Variants in DHRS9 observed in about 807,000 individuals in gnomAD.
DHRS9 encodes dehydrogenase/reductase SDR family member 9.
In DHRS9, 18 loss-of-function variants were observed where a neutral mutation model predicts 26.6. The ratio of observed to expected loss-of-function variants is 0.68; its 90% CI spans 0.47 to 1.00. The LOEUF (loss-of-function observed/expected upper bound fraction) is 1.00, where lower values mean the gene tolerates loss of function less well. DHRS9 is among the 50% of genes least tolerant of loss of function. DHRS9 has a pLI of 0.00. For synonymous variants in DHRS9, 134 were observed against 141.1 expected (o/e 0.95, Z 0.36); for missense variants, 425 against 378.7 (o/e 1.12, Z -1.01).
At chr2:169,085,804 T>C (rs536859173) in intron 3 of DHRS9, among the ~76,000 whole-genome samples, 1 of 152,226 alleles carries the variant, frequency 6.6e-6, no homozygotes, top group Non-Finnish European at 1.5e-5. Context: ...TATAAGATCA[T>C]ATCATCTGCA....
At chr2:169,084,682 A>G (rs1227474547) in intron 3 of DHRS9, among the ~76,000 whole-genome samples, 1 of 152,088 alleles carries the variant, frequency 6.6e-6, no homozygotes, top group African/African-American at 2.4e-5. Flanking sequence ...AAATTGGATT[A>G]TTAGACTTTT....
At chr2:169,079,507 A>C (rs1246719052) in intron 1 of DHRS9, among the ~76,000 whole-genome samples, 1 of 152,134 alleles carries the variant, frequency 6.6e-6, no homozygotes, top group Non-Finnish European at 1.5e-5. Flanking sequence ...GCAGAAAAAA[A>C]TAAATGATTT....
At chr2:169,082,340 G>A (rs1439791536) in intron 2 of DHRS9, among the ~76,000 whole-genome samples, 1 of 152,176 alleles carries the variant, frequency 6.6e-6, no homozygotes, top group Non-Finnish European at 1.5e-5. Context: ...GTTGAAAATG[G>A]CCTGAGAATT....
rs545152427 is a variant in DHRS9 at position 169,093,354 on chromosome 2, A to G, written c.736+1401A>G. Among the ~76,000 whole-genome samples the G allele has an allele frequency of 5.9e-4, 90 of 151,318 alleles. No homozygotes were observed. In the South Asian group the frequency reaches 0.018, roughly 30 times the overall value. ...TAAACACACACACACGCACACACAC[A>G]CACATGCACACACACAGAGGTACAC... On this transcript the variant is annotated intron_variant, in intron 4 of 4. Coordinates refer to ENST00000674881, the MANE Select transcript of DHRS9 (RefSeq NM_001376924.1).
At chr2:169,092,655 T>C (rs912228069) in intron 4 of DHRS9, among the ~76,000 whole-genome samples, 2 of 152,000 alleles carry the variant, frequency 1.3e-5, no homozygotes, top group South Asian at 4.1e-4. Context: ...GGACAGGAAA[T>C]AATTACTTGG....
chr2:169,070,635 C>A (rs1683772874), intron 1 of DHRS9: 2 of 984,252 alleles, frequency 2.0e-6, no homozygotes, highest in Non-Finnish European at 2.4e-6. Context: ...AAAGAGGGTG[C>A]TCAGATTTTA....
chr2:169,095,405 T>C lies in DHRS9; in HGVS notation c.737-139T>C, dbSNP rs544106917. On this transcript the variant is annotated intron_variant, in intron 4 of 4. Coordinates refer to ENST00000674881, the MANE Select transcript of DHRS9 (RefSeq NM_001376924.1). ...ATATCATTTTCTGAGGAATAGATAGTAAATCCTCAAAATGAGCCTCAATTA... is the reference window on the plus strand; with the variant it reads ...ATATCATTTTCTGAGGAATAGATAGCAAATCCTCAAAATGAGCCTCAATTA... 47 of 725,246 alleles carry C rather than the reference T, an allele frequency of 6.5e-5. No individual in the cohort carries two copies. In the African/African-American group the frequency reaches 7.6e-4, roughly 12 times the overall value. The allele number at this position is 725,246 out of a possible 1,614,324, so 44.9% of individuals were successfully genotyped here. A position where few individuals can be genotyped will look rare whatever the true frequency, so the allele number is the denominator to read the frequency against.
chr2:169,068,842 T>A (rs1404495434), upstream of DHRS9, among the ~76,000 whole-genome samples: 3 of 152,138 alleles, frequency 2.0e-5, no homozygotes, highest in African/African-American at 7.2e-5. Context: ...GCTACAGTGG[T>A]GAAGGTGAAG....
rs1388516148 is a variant in DHRS9, at chr2:169,095,680, G to A, written c.873G>A (p.Trp291Ter). ...YAAGKDAKIF[W>*]IPLSHMPAAL... ...CTGGAAAAGATGCCAAAATTTTCTG[G>A]ATACCTCTGTCTCACATGCCAGCAG... Residue 291 changes from tryptophan to a stop codon, truncating the protein, a stop_gained, in exon 5 of 5, where the codon TGG becomes TGA. Transcript: ENST00000674881. LOFTEE classifies it high-confidence loss of function. 6.2e-7 allele frequency: 1 copy of A among 1,613,784 alleles called. No homozygotes were observed. Among genetic ancestry groups the A allele is most frequent in the African/African-American group, 1.3e-5 (1 of 74,866 alleles).
chr2:169,088,937 G>A (rs989846648), intron 3 of DHRS9, among the ~76,000 whole-genome samples: 1 of 152,192 alleles, frequency 6.6e-6, no homozygotes, highest in Non-Finnish European at 1.5e-5. Flanking sequence ...CAAGCATGCT[G>A]TCCAAGCTTT....
At chr2:169,083,199 G>T in intron 2 of DHRS9, 130 bp from the exon 3 acceptor site, 1 of 1,201,820 alleles carries the variant, frequency 8.3e-7, no homozygotes, top group South Asian at 1.5e-5. Flanking sequence ...AAACTGCGAA[G>T]TATTTCAGAG....
Position 169,083,580 on chromosome 2 carries a change from A to G in DHRS9, c.565A>G (p.Ser189Gly), listed in dbSNP as rs1456553161. ...SKYAVEGFNDSLRRDMKAFGV... is the reference protein window; with the variant it reads ...SKYAVEGFNDGLRRDMKAFGV... The stretch of plus-strand genomic sequence containing the variant: ...ATATGCAGTGGAAGGTTTCAATGAC[A>G]GCTTAAGGTAAATCAAATTAATCAA... The change falls in exon 3 of 5, where the codon AGC becomes GGC. Residue 189 changes from serine (S) to glycine (G), a missense_variant. Physicochemically the swap from Ser to Gly is moderately conservative, Grantham distance 56. Coordinates refer to ENST00000674881, the MANE Select transcript of DHRS9 (RefSeq NM_001376924.1). The G allele has an allele frequency of 1.9e-6, 3 of 1,613,100 alleles. No individual in the cohort carries two copies. Among genetic ancestry groups the G allele is most frequent in the Non-Finnish European group, 1.7e-6 (2 of 1,179,306 alleles).
In DHRS9 at chr2:169,092,519, T is replaced by C. The variant is rs140994299; in HGVS notation, c.736+566T>C. Among the ~76,000 whole-genome samples, 452 of 152,328 alleles carry C rather than the reference T, an allele frequency of 3.0e-3. 2 individuals carry two copies. The highest frequency in any genetic ancestry group is 0.01 in the African/African-American group (433 of 41,564). ...TAAAATTAATCCTTTACTTCTTAGG[T>C]GTAATCTAACAGCCCAGAAATGGTG... On this transcript the variant is annotated intron_variant, in intron 4 of 4. Transcript: ENST00000674881.
chr2:169,081,528 C>T lies in DHRS9; in HGVS notation c.-54C>T. The T allele has an allele frequency of 2.6e-6, 4 of 1,566,018 alleles. No individual in the cohort carries two copies. Among genetic ancestry groups the T allele is most frequent in the Non-Finnish European group, 3.4e-6 (4 of 1,160,388 alleles). On this transcript the variant is annotated 5_prime_UTR_variant, in exon 2 of 5. Transcript: ENST00000674881. ...TTTTCACTTTGAACACTCAGGACAC[C>T]ATCTTCTTGTATTATACAAGAAAGG... is the stretch of plus-strand genomic sequence containing the variant.
intron 4 of DHRS9, among the ~76,000 whole-genome samples, chr2:169,092,519 T>G (rs140994299): frequency 6.6e-6 from 1 of 152,212 alleles, no homozygotes; most frequent in East Asian, 1.9e-4. Context: ...ACTTCTTAGG[T>G]GTAATCTAAC....
chr2:169,079,508 T>C (rs1191057698), intron 1 of DHRS9, among the ~76,000 whole-genome samples: 1 of 152,018 alleles, frequency 6.6e-6, no homozygotes, highest in East Asian at 1.9e-4. Context: ...CAGAAAAAAA[T>C]AAATGATTTT....
At chr2:169,081,960 T>C in intron 2 of DHRS9, 66 bp downstream of exon 2, 1 of 1,457,952 alleles carries the variant, frequency 6.9e-7, no homozygotes, top group Non-Finnish European at 9.2e-7. Flanking sequence ...CAAAGCTAAA[T>C]AAAACATGCT....
intron 1 of DHRS9, among the ~76,000 whole-genome samples, chr2:169,074,081 T>C (rs972914429): frequency 6.6e-6 from 1 of 152,116 alleles, no homozygotes; most frequent in Non-Finnish European, 1.5e-5. Flanking sequence ...ATATCAAAAT[T>C]ACTCAGTTAG....
chr2:169,072,663 G>A, intron 1 of DHRS9: 1 of 985,372 alleles, frequency 1.0e-6, no homozygotes, highest in Non-Finnish European at 1.2e-6. Flanking sequence ...CTGACAGGCA[G>A]TTACTATAAA....
Sources: allele counts gnomAD v4.1 joint callset (sites outside exome capture counted in the v4.1 genomes callset), GRCh38; gene constraint gnomAD v4.1.1; transcripts MANE v1.5; gene names NCBI Gene and HGNC (gene_info 2026-07-23, HGNC 2026-07-21).